TAOK1: variants seen among roughly 807,000 people sequenced by gnomAD.
TAOK1 encodes serine/threonine-protein kinase TAO1.
TAOK1 carries 21 observed loss-of-function variants against 138.3 expected under a neutral mutation model. The observed-to-expected ratio is 0.15, with a 90% confidence interval of 0.11 to 0.22. The LOEUF (loss-of-function observed/expected upper bound fraction) is 0.22, where lower values mean the gene tolerates loss of function less well. TAOK1 is among the 10% of genes least tolerant of loss of function. The probability of loss-of-function intolerance (pLI) is 1.00; values close to 1 mark genes in which losing one functional copy is unlikely to be tolerated. For missense variants in TAOK1, 651 were observed against 1,227.7 expected (o/e 0.53, Z 7.02); for synonymous variants, 361 against 398.4 (o/e 0.91, Z 1.12).
Position 29,411,518 on chromosome 17 carries a change from A to C in TAOK1, c.-95+20494A>C, listed in dbSNP as rs542250565. ...GCAATTCTCCTGCCTCAGCCTCCCAAGTAGCTGGAACTACAGGCACACACC... is the reference window on the plus strand; with the variant it reads ...GCAATTCTCCTGCCTCAGCCTCCCACGTAGCTGGAACTACAGGCACACACC... On this transcript the variant is annotated intron_variant, in intron 1 of 19. Coordinates refer to ENST00000261716, the MANE Select transcript of TAOK1 (RefSeq NM_020791.4). Among the ~76,000 whole-genome samples the C allele has an allele frequency of 7.2e-5, 11 of 152,034 alleles. No homozygotes were observed. In the East Asian group the frequency reaches 2.1e-3, roughly 29 times the overall value.
At chr17:29,437,249 A>G (rs1201866262) in intron 1 of TAOK1, among the ~76,000 whole-genome samples, 1 of 151,514 alleles carries the variant, frequency 6.6e-6, no homozygotes, top group African/African-American at 2.4e-5. Flanking sequence ...TTTTTAGTAA[A>G]GACGGGGTTA....
chr17:29,450,781 G>C (rs1200249252), intron 1 of TAOK1, among the ~76,000 whole-genome samples: 1 of 152,202 alleles, frequency 6.6e-6, no homozygotes, highest in East Asian at 1.9e-4. Flanking sequence ...CTCCCAAAGA[G>C]CTGGGATTAC....
intron 10 of TAOK1, among the ~76,000 whole-genome samples, chr17:29,494,825 CAAAAA>C (rs368548444): frequency 4.1e-4 from 20 of 48,300 alleles, no homozygotes; most frequent in African/African-American, 1.4e-3. Flanking sequence ...GACTCCGTCT[CAAAAA>C]AAAAAAAAAA....
At chr17:29,397,606 C>G (rs1459584195) in intron 1 of TAOK1, among the ~76,000 whole-genome samples, 1 of 41,940 alleles carries the variant, frequency 2.4e-5, no homozygotes, top group Non-Finnish European at 3.7e-5. Context: ...CCGTCCCCCC[C>G]CAAAAAAATA....
intron 16 of TAOK1, 28 bp downstream of exon 16, chr17:29,517,684 A>C: frequency 1.9e-6 from 3 of 1,567,554 alleles, no homozygotes; most frequent in Non-Finnish European, 2.6e-6. Context: ...GAAATTTTAA[A>C]TCCTTTATCA....
At chr17:29,531,486 GC>G (rs1164397610) in intron 18 of TAOK1, among the ~76,000 whole-genome samples, 1 of 188 alleles carries the variant, frequency 5.3e-3, no homozygotes, top group Non-Finnish European at 0.022. Flanking sequence ...ATAAGGCTGC[GC>G]GCCAGTGGCT....
At chr17:29,408,307 C>T (rs776056159) in intron 1 of TAOK1, among the ~76,000 whole-genome samples, 32 of 150,328 alleles carry the variant, frequency 2.1e-4, no homozygotes, top group Non-Finnish European at 1.2e-4. Flanking sequence ...CACACCCCAA[C>T]GTCTGCCTCC....
intron 16 of TAOK1, 91 bp downstream of exon 16, chr17:29,517,747 C>A: frequency 8.3e-7 from 1 of 1,203,312 alleles, no homozygotes. Flanking sequence ...AGGGACTTTG[C>A]ACTTATACTT....
chr17:29,434,551 G>A (rs1182192298), intron 1 of TAOK1, among the ~76,000 whole-genome samples: 1 of 152,080 alleles, frequency 6.6e-6, no homozygotes, highest in East Asian at 1.9e-4. Context: ...ACCTTGGCAG[G>A]TGCCACCATG....
intron 15 of TAOK1, among the ~76,000 whole-genome samples, chr17:29,515,308 C>T (rs768249988): frequency 1.8e-4 from 27 of 152,018 alleles, no homozygotes; most frequent in Admixed American, 5.3e-4. Flanking sequence ...AACCAAGAAG[C>T]GAGATGTTTA....
At chr17:29,490,485 G>A (rs1019430668) in intron 9 of TAOK1, among the ~76,000 whole-genome samples, 4 of 151,954 alleles carry the variant, frequency 2.6e-5, no homozygotes, top group Admixed American at 2.0e-4. Flanking sequence ...ATAAATTAGG[G>A]GTACTTAATT....
intron 8 of TAOK1, among the ~76,000 whole-genome samples, chr17:29,488,693 G>A (rs1264863655): frequency 6.6e-6 from 1 of 151,892 alleles, no homozygotes; most frequent in Non-Finnish European, 1.5e-5. Context: ...GGTTCAGTCT[G>A]TGGATGCAGA....
chr17:29,439,019 T>C (rs1906124393), intron 1 of TAOK1, among the ~76,000 whole-genome samples: 1 of 152,152 alleles, frequency 6.6e-6, no homozygotes. Flanking sequence ...ACACTTTTTT[T>C]TCCCTGAACC....
intron 3 of TAOK1, among the ~76,000 whole-genome samples, chr17:29,473,891 C>G (rs972561668): frequency 1.3e-5 from 2 of 151,990 alleles, no homozygotes; most frequent in African/African-American, 4.8e-5. Flanking sequence ...ATCACCACAC[C>G]TGGCTAATTT....
intron 1 of TAOK1, among the ~76,000 whole-genome samples, chr17:29,392,050 G>A (rs930592683): frequency 2.0e-5 from 3 of 151,952 alleles, no homozygotes; most frequent in Non-Finnish European, 2.9e-5. Context: ...CCCCGTCTCT[G>A]CTAAAAATAC....
chr17:29,480,356 C>T lies in TAOK1; in HGVS notation c.450-12C>T. ...GGAAAGTTAAGTAATTTTCTGTATT[C>T]CCTAAACCTAGAGATATCAAAGCAG... On this transcript the variant is annotated splice_polypyrimidine_tract_variant and intron_variant, in intron 6 of 19. Transcript: ENST00000261716. 1 of 1,594,946 alleles carries T rather than the reference C, an allele frequency of 6.3e-7. No individual in the cohort carries two copies.
intron 1 of TAOK1, among the ~76,000 whole-genome samples, chr17:29,409,420 C>T (rs1214475108): frequency 1.3e-5 from 2 of 148,860 alleles, no homozygotes; most frequent in South Asian, 4.2e-4. Context: ...CTGCAAGCTC[C>T]GCCTCCCAGG....
chr17:29,467,174 G>A lies in TAOK1; in HGVS notation c.162G>A (p.Val54=), dbSNP rs370714623. 1.4e-5 allele frequency: 22 copies of A among 1,604,650 alleles called. No homozygotes were observed. Among genetic ancestry groups the A allele is most frequent in the African/African-American group, 5.3e-5 (4 of 74,810 alleles). ...FARDVRTNEV[V]AIKKMSYSGK... ...GAGATGTGCGTACCAATGAAGTGGT[G>A]GCCATCAAGAAAATGTCTTATAGTG... The change falls in exon 3 of 20, where the codon GTG becomes GTA. Residue 54 remains valine (V), a synonymous_variant. Coordinates refer to ENST00000261716, the MANE Select transcript of TAOK1 (RefSeq NM_020791.4).
intron 1 of TAOK1, among the ~76,000 whole-genome samples, chr17:29,403,302 C>T (rs1046691956): frequency 5.9e-5 from 9 of 151,470 alleles, no homozygotes; most frequent in Non-Finnish European, 1.0e-4. Flanking sequence ...TGATTTGTTA[C>T]AATTTATTCC....
Sources: gnomAD v4.1 joint callset for allele counts (sites outside exome capture counted in the v4.1 genomes callset) on GRCh38, gnomAD v4.1.1 for gene constraint, MANE v1.5 for transcripts, NCBI Gene and HGNC (gene_info 2026-07-23, HGNC 2026-07-21) for gene names.